CDH23: variants seen among roughly 807,000 people sequenced by gnomAD.
CDH23 encodes cadherin-23.
CDH23 carries 189 observed loss-of-function variants against 317.1 expected under a neutral mutation model. The ratio of observed to expected loss-of-function variants is 0.60; its 90% CI spans 0.53 to 0.67. The LOEUF (loss-of-function observed/expected upper bound fraction) is 0.67, where lower values mean the gene tolerates loss of function less well. Among genes scored for constraint, CDH23 ranks in the 30% least tolerant of loss-of-function variants. The pLI, the probability that CDH23 is intolerant of heterozygous loss-of-function variation, is 0.00. For synonymous variants in CDH23, 1,839 were observed against 1,876.8 expected, an observed-to-expected ratio of 0.98 and a Z score of 0.52; for missense variants, 4,401 against 4,592.4, an observed-to-expected ratio of 0.96 and a Z score of 1.20.
At chr10:71,654,880 C>A (rs1863351275) in intron 14 of CDH23, among the ~76,000 whole-genome samples, 1 of 152,190 alleles carries the variant, frequency 6.6e-6, no homozygotes, top group Non-Finnish European at 1.5e-5. Context: ...CACACTGCAT[C>A]ATTTCTGCTG....
chr10:71,623,034 A>G (rs1589271747), intron 11 of CDH23: 4 of 790,056 alleles, frequency 5.1e-6, no homozygotes, highest in African/African-American at 1.9e-5. Flanking sequence ...TGCACCAACT[A>G]TGTGCCTGCC....
At chr10:71,586,181 G>A (rs1859047924) in intron 9 of CDH23, among the ~76,000 whole-genome samples, 1 of 152,226 alleles carries the variant, frequency 6.6e-6, no homozygotes, top group African/African-American at 2.4e-5. Flanking sequence ...AGGCAGCTCT[G>A]TGGGGTTGGG....
intron 38 of CDH23, among the ~76,000 whole-genome samples, chr10:71,756,062 C>T (rs554308140): frequency 2.6e-5 from 4 of 152,240 alleles, no homozygotes; most frequent in African/African-American, 9.6e-5. Context: ...TTGATCTCAC[C>T]ACACAAGTCA....
At chr10:71,747,735 A>G (rs1011709456) in intron 38 of CDH23, 22 of 152,276 alleles carry the variant, frequency 1.4e-4, no homozygotes, top group African/African-American at 5.1e-4. Flanking sequence ...TTCTAACAGA[A>G]AAGGCCAAGA....
At chr10:71,431,117 T>C (rs1319364521) in intron 1 of CDH23, among the ~76,000 whole-genome samples, 1 of 152,236 alleles carries the variant, frequency 6.6e-6, no homozygotes, top group Non-Finnish European at 1.5e-5. Context: ...ATTCGCTTCC[T>C]GCTGTACACC....
At chr10:71,406,985 C>T (rs1234975975) in intron 1 of CDH23, among the ~76,000 whole-genome samples, 1 of 152,212 alleles carries the variant, frequency 6.6e-6, no homozygotes. Context: ...TCTAAAATAC[C>T]TCACTTAGTC....
intron 11 of CDH23, among the ~76,000 whole-genome samples, chr10:71,620,534 G>T (rs958433781): frequency 2.6e-5 from 4 of 152,120 alleles, no homozygotes; most frequent in Non-Finnish European, 5.9e-5. Flanking sequence ...GAATGCCCAG[G>T]AGTATCTGGG....
At chr10:71,414,672 A>C (rs558695796) in intron 1 of CDH23, among the ~76,000 whole-genome samples, 1 of 152,190 alleles carries the variant, frequency 6.6e-6, no homozygotes, top group Non-Finnish European at 1.5e-5. Context: ...TTGTAAAATC[A>C]TTGTCAGATT....
intron 3 of CDH23, among the ~76,000 whole-genome samples, chr10:71,468,883 C>G (rs1403205598): frequency 2.6e-4 from 40 of 152,292 alleles, no homozygotes. Flanking sequence ...CTCCAGGACA[C>G]CCTCCTCCTC....
chr10:71,654,741 C>T (rs1195793310), intron 14 of CDH23, among the ~76,000 whole-genome samples: 12 of 152,154 alleles, frequency 7.9e-5, no homozygotes. Flanking sequence ...TGTAGCCTCC[C>T]CACGTGTCCG....
At chr10:71,488,728 T>C (rs1359078501) in intron 3 of CDH23, among the ~76,000 whole-genome samples, 1 of 152,258 alleles carries the variant, frequency 6.6e-6, no homozygotes, top group Non-Finnish European at 1.5e-5. Flanking sequence ...TGCAACTCAC[T>C]ACATTGTTCA....
At chr10:71,760,438 C>T (rs1840348956) in intron 38 of CDH23, 1 of 156,668 alleles carries the variant, frequency 6.4e-6, no homozygotes, top group African/African-American at 2.4e-5. Flanking sequence ...TCCTCCCTCC[C>T]CTGCAACAGA....
intron 12 of CDH23, among the ~76,000 whole-genome samples, chr10:71,645,162 T>C (rs897003286): frequency 1.3e-5 from 2 of 152,196 alleles, no homozygotes; most frequent in Admixed American, 1.3e-4. Context: ...CCTGAAATGA[T>C]GGGCTTGGGC....
intron 14 of CDH23, among the ~76,000 whole-genome samples, chr10:71,674,725 G>A (rs911178619): frequency 3.9e-5 from 6 of 152,196 alleles, no homozygotes; most frequent in Admixed American, 2.6e-4. Context: ...AGTAACTGTT[G>A]AGTGAATGAA....
At chr10:71,527,075 C>A (rs1018058101) in intron 6 of CDH23, among the ~76,000 whole-genome samples, 1 of 152,196 alleles carries the variant, frequency 6.6e-6, no homozygotes, top group Non-Finnish European at 1.5e-5. Flanking sequence ...TTCCTGAGGT[C>A]TCCCACCACC....
chr10:71,506,930 G>A (rs1426208359), intron 3 of CDH23, among the ~76,000 whole-genome samples: 2 of 152,200 alleles, frequency 1.3e-5, no homozygotes, highest in African/African-American at 4.8e-5. Context: ...AAATTACAGG[G>A]TGGGTGACAG....
chr10:71,485,617 C>G (rs750335684), intron 3 of CDH23, among the ~76,000 whole-genome samples: 9 of 152,222 alleles, frequency 5.9e-5, no homozygotes, highest in Non-Finnish European at 1.2e-4. Flanking sequence ...GTTTGACTGC[C>G]CCAGCCCAGC....
rs67337082 is a variant in CDH23, at chr10:71,667,359, AGTGT to A, written c.1450-7719_1450-7716del. ...GCTTGAGGCAGAGAAAGAGAGAGAGAGTGTGTGTGTGTGTGTGTGTGTGTGTGTG... is the reference window on the plus strand; with the variant it reads ...GCTTGAGGCAGAGAAAGAGAGAGAGAGTGTGTGTGTGTGTGTGTGTGTGTG... On this transcript the variant is annotated intron_variant, in intron 14 of 69. Coordinates refer to ENST00000224721, the MANE Select transcript of CDH23 (RefSeq NM_022124.6). Among the ~76,000 whole-genome samples the A allele has an allele frequency of 2.1e-3, 237 of 112,116 alleles. 2 individuals are homozygous for A. Among genetic ancestry groups the A allele is most frequent in the Non-Finnish European group, 3.1e-3 (180 of 57,736 alleles). 73.6% of individuals were successfully genotyped at this position (112,116 alleles called of 152,430 possible).
At chr10:71,800,553 C>T in intron 52 of CDH23, 83 bp from the exon 53 acceptor site, 3 of 1,454,836 alleles carry the variant, frequency 2.1e-6, no homozygotes, top group Middle Eastern at 1.7e-4. Context: ...CTCCAGAGCC[C>T]ATAACAGCAT....
Sources: allele counts gnomAD v4.1 joint callset (sites outside exome capture counted in the v4.1 genomes callset), GRCh38; gene constraint gnomAD v4.1.1; transcripts MANE v1.5; gene names NCBI Gene and HGNC (gene_info 2026-07-23, HGNC 2026-07-21).